Variants in EML1 observed in about 807,000 individuals in gnomAD.
EML1 encodes the protein echinoderm microtubule-associated protein-like 1.
EML1 carries 27 observed loss-of-function variants against 110.4 expected under a neutral mutation model. The ratio of observed to expected loss-of-function variants is 0.24; its 90% CI spans 0.18 to 0.34. EML1 has a LOEUF of 0.34. Among genes scored for constraint, EML1 ranks in the 10% least tolerant of loss-of-function variants. The probability of loss-of-function intolerance (pLI) is 1.00; values close to 1 mark genes in which losing one functional copy is unlikely to be tolerated. For synonymous variants in EML1, 344 were observed against 385.8 expected, an observed-to-expected ratio of 0.89 and a Z score of 1.27; for missense variants, 741 against 1,030.9, an observed-to-expected ratio of 0.72 and a Z score of 3.85.
chr14:99,790,957 A>G (rs2057663336), upstream of EML1, among the ~76,000 whole-genome samples: 1 of 150,666 alleles, frequency 6.6e-6, no homozygotes, highest in Non-Finnish European at 1.5e-5. Context: ...TCCTGGGCTC[A>G]GGTGATTCTC....
chr14:99,792,053 T>C (rs2057680523), upstream of EML1, among the ~76,000 whole-genome samples: 1 of 152,180 alleles, frequency 6.6e-6, no homozygotes, highest in African/African-American at 2.4e-5. Flanking sequence ...GAATAAGCTC[T>C]TAAACTTCTC....
intron 6 of EML1, 50 bp downstream of exon 6, chr14:99,894,808 A>G (rs371809821): frequency 2.0e-5 from 31 of 1,554,798 alleles, no homozygotes; most frequent in Non-Finnish European, 2.3e-5. Context: ...CAGTCAATCA[A>G]TGCTTGATGT....
Position 99,937,913 on chromosome 14 carries a change from G to A in EML1, c.2191+1G>A. 6.2e-7 allele frequency: 1 copy of A among 1,613,738 alleles called. No individual in the cohort carries two copies. Among genetic ancestry groups the A allele is most frequent in the African/African-American group, 1.3e-5 (1 of 75,028 alleles). ...TGCACTTTGGGATTCCATGTTTTTG[G>A]TAAGTTTGCTGCAGATTTCACTGGT... On this transcript the variant is annotated splice_donor_variant, in intron 20 of 21. Transcript: ENST00000262233. LOFTEE classifies it high-confidence loss of function.
chr14:99,860,652 G>A (rs574155922), intron 2 of EML1, among the ~76,000 whole-genome samples: 31 of 152,190 alleles, frequency 2.0e-4, no homozygotes, highest in Admixed American at 1.1e-3. Flanking sequence ...CGTGCTGGTG[G>A]TGGGGGTTAC....
chr14:99,906,948 C>G (rs531085868), intron 9 of EML1: 1 of 152,780 alleles, frequency 6.5e-6, no homozygotes, highest in Non-Finnish European at 1.5e-5. Context: ...GCCCCCAGAG[C>G]CGAGGCATTG....
chr14:99,938,006 T>C (rs1566949050), intron 20 of EML1, 94 bp downstream of exon 20: 2 of 1,317,652 alleles, frequency 1.5e-6, no homozygotes, highest in African/African-American at 2.9e-5. Flanking sequence ...GTCACCAGTC[T>C]TGTCAGATTG....
intron 17 of EML1, among the ~76,000 whole-genome samples, chr14:99,921,945 T>A (rs2060137800): frequency 6.6e-6 from 1 of 152,222 alleles, no homozygotes; most frequent in African/African-American, 2.4e-5. Context: ...TGATCTGTTT[T>A]CTGTTTCCAA....
chr14:99,741,073 T>C (rs976461814), intron 1 of EML1, among the ~76,000 whole-genome samples: 2 of 152,196 alleles, frequency 1.3e-5, no homozygotes, highest in East Asian at 3.8e-4. Context: ...TGCAGGTCCA[T>C]CAGAGACCAG....
chr14:99,939,589 C>G lies in EML1; in HGVS notation c.2322+262C>G, dbSNP rs780662750. 3.3e-5 allele frequency among the ~76,000 whole-genome samples: 5 copies of G among 152,160 alleles called. No homozygotes were observed. Among genetic ancestry groups the G allele is most frequent in the Non-Finnish European group, 4.4e-5 (3 of 68,026 alleles). On this transcript the variant is annotated intron_variant, in intron 21 of 21. Coordinates refer to ENST00000262233, the MANE Select transcript of EML1 (RefSeq NM_004434.3). This position sits in a 1 kb window ranked among gnomAD's most constrained non-coding sequence, Gnocchi z 4.2. ...ACGACCCCGCCCTCCCCCACGGCTC[C>G]CTTGCTCCGGCCCTGCTCAGCCGCG...
chr14:99,841,393 G>C (rs2058630572), intron 1 of EML1, among the ~76,000 whole-genome samples: 1 of 152,148 alleles, frequency 6.6e-6, no homozygotes, highest in Non-Finnish European at 1.5e-5. Flanking sequence ...TGCCGTCATA[G>C]TATTAGAAGT....
chr14:99,920,377 G>C (rs2060109783), intron 16 of EML1, among the ~76,000 whole-genome samples: 1 of 152,144 alleles, frequency 6.6e-6, no homozygotes, highest in African/African-American at 2.4e-5. Flanking sequence ...AGTTGTCCCA[G>C]CCCCATCCTC....
intron 1 of EML1, among the ~76,000 whole-genome samples, chr14:99,794,844 G>A (rs904420801): frequency 2.6e-5 from 4 of 152,192 alleles, no homozygotes; most frequent in Non-Finnish European, 4.4e-5. Context: ...TATTTGGTAT[G>A]CTGGTGGTCC....
chr14:99,837,255 C>T lies in EML1; in HGVS notation c.68-13598C>T, dbSNP rs564925965. On this transcript the variant is annotated intron_variant, in intron 1 of 21. Coordinates refer to ENST00000262233, the MANE Select transcript of EML1 (RefSeq NM_004434.3). ...CTTTACCTGGGTTCCCTCCCTGTCTCACATCCTGGAAACTCTCCAGACTAT... is the reference window on the plus strand; with the variant it reads ...CTTTACCTGGGTTCCCTCCCTGTCTTACATCCTGGAAACTCTCCAGACTAT... Among the ~76,000 whole-genome samples, 3 of 152,288 alleles carry T rather than the reference C, an allele frequency of 2.0e-5. No homozygotes were observed. The South Asian group carries it at 6.2e-4, about 32-fold the overall frequency.
At position 99,781,760 on chromosome 14, in the gene EML1, G is replaced by C. The variant is rs1217803797; in HGVS notation, c.-27+7747G>C. ...AGTCTGAGCTCCCTGTCCCCTCTTT[G>C]ACATTAACAGAGCTGGATGTCTCAT... On this transcript the variant is annotated intron_variant, in intron 1 of 22. Transcript: ENST00000327921. This position sits in a 1 kb window ranked among gnomAD's most constrained non-coding sequence, Gnocchi z 4.2. Among the ~76,000 whole-genome samples, 1 of 152,138 alleles carries C rather than the reference G, an allele frequency of 6.6e-6. No individual in the cohort carries two copies. Among genetic ancestry groups the C allele is most frequent in the Non-Finnish European group, 1.5e-5 (1 of 68,020 alleles).
rs143906730 is a variant in EML1, at chr14:99,794,226, A to T, written c.67+683A>T. On this transcript the variant is annotated intron_variant, in intron 1 of 21. Coordinates refer to ENST00000262233, the MANE Select transcript of EML1 (RefSeq NM_004434.3). ...CATCTTTTTAAAAATATGAAATCCT[A>T]CATGCTTGAAAGATTTCAGTCTCAT... 5.0e-3 allele frequency among the ~76,000 whole-genome samples: 769 copies of T among 152,284 alleles called. 5 individuals carry two copies. Among genetic ancestry groups the T allele is most frequent in the African/African-American group, 0.018 (734 of 41,564 alleles).
At chr14:99,760,208 A>T (rs1202245365) in intron 1 of EML1, among the ~76,000 whole-genome samples, 2 of 152,066 alleles carry the variant, frequency 1.3e-5, no homozygotes, top group Non-Finnish European at 2.9e-5. Flanking sequence ...AAAATGGACT[A>T]AATGGAGAAA....
intron 1 of EML1, among the ~76,000 whole-genome samples, chr14:99,758,949 C>G (rs572532977): frequency 6.6e-6 from 1 of 152,320 alleles, no homozygotes; most frequent in African/African-American, 2.4e-5. Context: ...GCTGGCAGGT[C>G]TAGAGGGGCT....
In EML1 at chr14:99,940,977, C is replaced by A. The variant is rs1217025044; in HGVS notation, c.*865C>A. ...TAAGACTAGGCTTTACTGTCTTATG[C>A]TTATGGACATTGTATATTTGTATTT... is the stretch of plus-strand genomic sequence containing the variant. On this transcript the variant is annotated 3_prime_UTR_variant, in exon 22 of 22. Transcript: ENST00000262233. 6.6e-6 allele frequency: 1 copy of A among 152,156 alleles called. No homozygotes were observed. The highest frequency in any genetic ancestry group is 2.4e-5 in the African/African-American group (1 of 41,418). 9.4% of individuals were successfully genotyped at this position (152,156 alleles called of 1,614,324 possible). A position where few individuals can be genotyped will look rare whatever the true frequency, so the allele number is the denominator to read the frequency against.
chr14:99,803,729 A>C (rs2057922407), intron 1 of EML1, among the ~76,000 whole-genome samples: 1 of 152,270 alleles, frequency 6.6e-6, no homozygotes, highest in Non-Finnish European at 1.5e-5. Context: ...CATTTTTAAC[A>C]GTAAAAAGGA....
Sources: allele counts gnomAD v4.1 joint callset (sites outside exome capture counted in the v4.1 genomes callset), GRCh38; gene constraint gnomAD v4.1.1; non-coding constraint Gnocchi (gnomAD v3.1); transcripts MANE v1.5; gene names NCBI Gene and HGNC (gene_info 2026-07-23, HGNC 2026-07-21).